The following PCDH9 variants were observed in gnomAD, a reference collection of about 807,000 sequenced individuals.
The protein encoded by PCDH9 is protocadherin 9, also known as protocadherin-9.
Under a neutral mutation model 70.6 loss-of-function variants are expected in PCDH9, and 24 were observed. The ratio of observed to expected loss-of-function variants is 0.34; its 90% CI spans 0.25 to 0.48. The LOEUF is 0.48. PCDH9 is among the 20% of genes least tolerant of loss of function. PCDH9 has a pLI of 0.99. For missense variants in PCDH9, 1,281 were observed against 1,503.6 expected (o/e 0.85, Z 2.45); for synonymous variants, 562 against 558.5 (o/e 1.01, Z -0.09).
At chr13:66,457,204 A>G (rs1026559699) in intron 4 of PCDH9, among the ~76,000 whole-genome samples, 2 of 152,108 alleles carry the variant, frequency 1.3e-5, no homozygotes, top group African/African-American at 2.4e-5. Context: ...TATATGGATT[A>G]TGGCATACTC....
At chr13:66,718,418 G>A (rs553631977) in intron 3 of PCDH9, among the ~76,000 whole-genome samples, 1 of 151,808 alleles carries the variant, frequency 6.6e-6, no homozygotes, top group South Asian at 2.1e-4. Flanking sequence ...TGTTGAGGGG[G>A]GATTTCAATG....
chr13:67,151,674 C>T (rs1236701902), intron 2 of PCDH9, among the ~76,000 whole-genome samples: 1 of 151,934 alleles, frequency 6.6e-6, no homozygotes, highest in African/African-American at 2.4e-5. Context: ...AAAGCTTTTG[C>T]TCTATACTTA....
rs546890384 is a variant in PCDH9, at chr13:66,532,719, C to T, written c.3340+98491G>A. ...CCAATTTTTATATTTTCGGTAGAGACGGGGTTTCACTTTCGGAGGCCAAGG... is the reference window on the plus strand; with the variant it reads ...CCAATTTTTATATTTTCGGTAGAGATGGGGTTTCACTTTCGGAGGCCAAGG... On this transcript the variant is annotated intron_variant, in intron 4 of 4. Coordinates refer to ENST00000377865, the MANE Select transcript of PCDH9 (RefSeq NM_203487.3). Among the ~76,000 whole-genome samples, 5 of 151,996 alleles carry T rather than the reference C, an allele frequency of 3.3e-5. No homozygotes were observed. In the East Asian group the frequency reaches 9.7e-4, roughly 30 times the overall value.
At chr13:66,814,022 A>G (rs1467170294) in intron 3 of PCDH9, among the ~76,000 whole-genome samples, 1 of 152,214 alleles carries the variant, frequency 6.6e-6, no homozygotes, top group Non-Finnish European at 1.5e-5. Flanking sequence ...TAATGTGTAA[A>G]TGTAGCACTG....
At chr13:66,708,967 T>A (rs768127481) in intron 3 of PCDH9, among the ~76,000 whole-genome samples, 1 of 152,220 alleles carries the variant, frequency 6.6e-6, no homozygotes, top group Non-Finnish European at 1.5e-5. Context: ...TGATATATCT[T>A]TGGGAAACAT....
intron 2 of PCDH9, among the ~76,000 whole-genome samples, chr13:66,929,926 T>G (rs1439249061): frequency 6.6e-6 from 1 of 152,144 alleles, no homozygotes; most frequent in Non-Finnish European, 1.5e-5. Context: ...TGATGTATAA[T>G]CTAGTCCTAG....
At chr13:66,740,771 C>A (rs1354463211) in intron 3 of PCDH9, among the ~76,000 whole-genome samples, 2 of 151,540 alleles carry the variant, frequency 1.3e-5, no homozygotes, top group Non-Finnish European at 3.0e-5. Context: ...GACACATACA[C>A]TCTCCCAAGA....
intron 2 of PCDH9, among the ~76,000 whole-genome samples, chr13:67,193,449 T>C (rs1382060806): frequency 6.6e-6 from 1 of 152,046 alleles, no homozygotes; most frequent in African/African-American, 2.4e-5. Flanking sequence ...TTTTTTTCTC[T>C]AATCAGGTTT....
At chr13:66,577,702 T>G (rs1237641660) in intron 4 of PCDH9, among the ~76,000 whole-genome samples, 2 of 152,074 alleles carry the variant, frequency 1.3e-5, no homozygotes, top group Non-Finnish European at 2.9e-5. Flanking sequence ...CTTTCATATT[T>G]TCTTAAGTTT....
chr13:66,841,474 AATTAGCT>A lies in PCDH9; in HGVS notation c.3138+62023_3138+62029del, dbSNP rs531792067. On this transcript the variant is annotated intron_variant, in intron 3 of 4. Transcript: ENST00000377865. ...GTTAAGATCAAGGGATATAATTAGG[AATTAGCT>A]ATAGGTTATAAAATGTTAAGCAATT... is the stretch of plus-strand genomic sequence containing the variant. Among the ~76,000 whole-genome samples, 1,000 of 152,316 alleles carry A rather than the reference AATTAGCT, an allele frequency of 6.6e-3. 3 individuals carry two copies. The highest frequency in any genetic ancestry group is 0.037 in the Middle Eastern group (11 of 294).
At chr13:66,647,827 C>A (rs940347558) in intron 3 of PCDH9, among the ~76,000 whole-genome samples, 2 of 151,810 alleles carry the variant, frequency 1.3e-5, no homozygotes, top group African/African-American at 4.8e-5. Flanking sequence ...GAGCCCATTG[C>A]CTTGAAGGGA....
intron 3 of PCDH9, among the ~76,000 whole-genome samples, chr13:66,705,917 T>C (rs1266881865): frequency 6.6e-6 from 1 of 152,208 alleles, no homozygotes; most frequent in Non-Finnish European, 1.5e-5. Context: ...ATGGCTACTT[T>C]TTCCTGGCCC....
At chr13:66,771,739 C>T (rs939492508) in intron 3 of PCDH9, among the ~76,000 whole-genome samples, 1 of 152,168 alleles carries the variant, frequency 6.6e-6, no homozygotes, top group Non-Finnish European at 1.5e-5. Context: ...ATACATTAGG[C>T]AAATTGATTT....
At chr13:66,962,801 G>A (rs903230027) in intron 2 of PCDH9, among the ~76,000 whole-genome samples, 3 of 152,022 alleles carry the variant, frequency 2.0e-5, no homozygotes, top group Admixed American at 6.6e-5. Flanking sequence ...AACCATTTTC[G>A]TAGAGAATTT....
intron 4 of PCDH9, among the ~76,000 whole-genome samples, chr13:66,483,381 C>G (rs1001421568): frequency 6.6e-6 from 1 of 152,020 alleles, no homozygotes; most frequent in African/African-American, 2.4e-5. Flanking sequence ...AGTGAGAAAA[C>G]TAGAGTCAAA....
intron 2 of PCDH9, chr13:67,220,854 T>G (rs900848145): frequency 6.6e-6 from 1 of 152,130 alleles, no homozygotes; most frequent in Non-Finnish European, 1.5e-5. Context: ...AAATGCGTCT[T>G]GAATTTTATA....
intron 4 of PCDH9, among the ~76,000 whole-genome samples, chr13:66,308,883 A>G (rs1358365567): frequency 1.3e-5 from 2 of 152,068 alleles, no homozygotes; most frequent in African/African-American, 2.4e-5. Flanking sequence ...AAACTGAGCC[A>G]AGACAGCAAA....
At chr13:66,381,355 G>C (rs918521840) in intron 4 of PCDH9, among the ~76,000 whole-genome samples, 5 of 152,080 alleles carry the variant, frequency 3.3e-5, no homozygotes, top group Non-Finnish European at 4.4e-5. Flanking sequence ...CATAATCTTT[G>C]ATTTTATTAA....
At chr13:66,880,030 C>G (rs979327192) in intron 3 of PCDH9, 1 of 152,040 alleles carries the variant, frequency 6.6e-6, no homozygotes, top group African/African-American at 2.4e-5. Context: ...AAAAATGCTC[C>G]AGGGTACAGG....
Sources: gnomAD v4.1 joint callset for allele counts (sites outside exome capture counted in the v4.1 genomes callset) on GRCh38, gnomAD v4.1.1 for gene constraint, MANE v1.5 for transcripts, NCBI Gene and HGNC (gene_info 2026-07-23, HGNC 2026-07-21) for gene names.